Variants in DHRS4 observed in about 807,000 individuals in gnomAD.
The protein encoded by DHRS4 is dehydrogenase/reductase 4.
DHRS4 carries 20 observed loss-of-function variants against 28.4 expected under a neutral mutation model. The observed-to-expected ratio is 0.71, with a 90% confidence interval of 0.50 to 1.02. DHRS4 has a LOEUF of 1.02. Among genes scored for constraint, DHRS4 ranks in the 50% least tolerant of loss-of-function variants. The probability of loss-of-function intolerance (pLI) is 0.00; values close to 1 mark genes in which losing one functional copy is unlikely to be tolerated. For synonymous variants in DHRS4, 144 were observed against 146.4 expected (o/e 0.98, Z 0.12); for missense variants, 378 against 367.2 (o/e 1.03, Z -0.24).
At position 23,954,296 on chromosome 14, in the gene DHRS4, G is replaced by C. The variant is rs549783059; in HGVS notation, c.128+380G>C. The C allele has an allele frequency of 3.8e-5, 7 of 183,760 alleles. No individual in the cohort carries two copies. In the South Asian group the frequency reaches 7.5e-4, roughly 20 times the overall value. 11.4% of individuals were successfully genotyped at this position (183,760 alleles called of 1,614,324 possible). ...CCACGGCCTCCAGCACTTTGAAAAT[G>C]TACCAGACATTCTATTTGGGCACCG... On this transcript the variant is annotated intron_variant, in intron 1 of 7. Coordinates refer to ENST00000313250, the MANE Select transcript of DHRS4 (RefSeq NM_021004.4).
At position 23,968,394 on chromosome 14, in the gene DHRS4, A is replaced by G. The variant is rs574122392; in HGVS notation, c.723-363A>G. 6.0e-5 allele frequency among the ~76,000 whole-genome samples: 9 copies of G among 150,854 alleles called. No individual in the cohort carries two copies. The South Asian group carries it at 1.9e-3, about 32-fold the overall frequency. The stretch of plus-strand genomic sequence containing the variant: ...TTTTAAACACACCATTTACTGTCAC[A>G]CAGACTCCCTGATACTTTAGTGTGT... On this transcript the variant is annotated intron_variant, in intron 7 of 7. Coordinates refer to ENST00000313250, the MANE Select transcript of DHRS4 (RefSeq NM_021004.4).
intron 3 of DHRS4, among the ~76,000 whole-genome samples, chr14:23,962,356 T>G (rs1315445241): frequency 7.4e-6 from 1 of 135,106 alleles, no homozygotes; most frequent in South Asian, 2.7e-4. Flanking sequence ...ACAGTAGAAC[T>G]TCTTTCAAAA....
chr14:23,960,030 C>CGGGGGGGCG, intron 3 of DHRS4, 27 bp downstream of exon 3: 1 of 1,036,708 alleles, frequency 9.6e-7, no homozygotes, highest in Admixed American at 2.0e-5. Flanking sequence ...GCAGGGGGGC[C>CGGGGGGGCG]GGGGGGGGCG....
In DHRS4 at chr14:23,954,106, G is replaced by C. The variant is rs113168209; in HGVS notation, c.128+190G>C. On this transcript the variant is annotated intron_variant, in intron 1 of 7. Transcript: ENST00000313250. Reference sequence around the variant, plus strand: ...CCTAGCCCTGGACCCTCCCTTGCCAGCCCTCCTGTCCCTGCTACCTCTGGC... The same window carrying C: ...CCTAGCCCTGGACCCTCCCTTGCCACCCCTCCTGTCCCTGCTACCTCTGGC... 5.7e-5 allele frequency: 50 copies of C among 872,146 alleles called. 4 individuals carry two copies. Among genetic ancestry groups the C allele is most frequent in the African/African-American group, 5.2e-4 (30 of 57,890 alleles). 54.0% of individuals were successfully genotyped at this position (872,146 alleles called of 1,614,324 possible). A position where few individuals can be genotyped will look rare whatever the true frequency, so the allele number is the denominator to read the frequency against.
intron 2 of DHRS4, among the ~76,000 whole-genome samples, chr14:23,956,599 C>T (rs867719933): frequency 0.15 from 17,191 of 117,464 alleles, 2,651 homozygotes; most frequent in African/African-American, 0.45. Flanking sequence ...CCTCCATATC[C>T]TTTTTTTTTT....
intron 2 of DHRS4, among the ~76,000 whole-genome samples, chr14:23,959,588 G>A (rs1405670419): frequency 1.3e-5 from 2 of 152,118 alleles, no homozygotes; most frequent in African/African-American, 4.8e-5. Flanking sequence ...TAAATGGTTA[G>A]CGGCAGATCT....
At chr14:23,956,125 A>G (rs1447467018) in intron 2 of DHRS4, among the ~76,000 whole-genome samples, 2 of 152,240 alleles carry the variant, frequency 1.3e-5, no homozygotes, top group Admixed American at 6.5e-5. Context: ...CTGTCTGGCA[A>G]ATGCTCAAAT....
rs1271279541 is a variant in DHRS4 at position 23,969,189 on chromosome 14, G to A, written c.*318G>A. On this transcript the variant is annotated 3_prime_UTR_variant, in exon 8 of 8. Transcript: ENST00000313250. ...AATCTGAGGGGTGATGGGAGAGAAG[G>A]AACCTGGAGTGGAAGGAGCAGAGTT... 1.2e-5 allele frequency: 4 copies of A among 346,510 alleles called. No individual in the cohort carries two copies. Among genetic ancestry groups the A allele is most frequent in the Non-Finnish European group, 2.1e-5 (4 of 189,800 alleles). 21.5% of individuals were successfully genotyped at this position (346,510 alleles called of 1,614,324 possible). A position where few individuals can be genotyped will look rare whatever the true frequency, so the allele number is the denominator to read the frequency against.
rs202069784 is a variant in DHRS4 at position 23,966,010 on chromosome 14, C to A, written c.531+27C>A. 5.9e-4 allele frequency: 955 copies of A among 1,609,634 alleles called. 24 individuals carry two copies. In the African/African-American group the frequency reaches 8.9e-3, roughly 15 times the overall value. On this transcript the variant is annotated intron_variant, in intron 5 of 7. Transcript: ENST00000313250. ...TAAGAACCCTTTTGTCTACCTCTTC[C>A]ATCCCACCCTCCACTCCACATCTTT... is the stretch of plus-strand genomic sequence containing the variant.
chr14:23,954,354 G>C (rs2032995524), intron 1 of DHRS4, among the ~76,000 whole-genome samples: 1 of 152,274 alleles, frequency 6.6e-6, no homozygotes, highest in East Asian at 1.9e-4. Flanking sequence ...CCCTTACCTA[G>C]ATGGGACACC....
rs529539496 is a variant in DHRS4, at chr14:23,959,799, A to G, written c.307-103A>G. On this transcript the variant is annotated intron_variant, in intron 2 of 7. Coordinates refer to ENST00000313250, the MANE Select transcript of DHRS4 (RefSeq NM_021004.4). Reference sequence around the variant, plus strand: ...CTCCCAAAGTGCCATGATTACAGGCATGAGCCACAGCTCCTTGCCCAGAAG... The same window carrying G: ...CTCCCAAAGTGCCATGATTACAGGCGTGAGCCACAGCTCCTTGCCCAGAAG... 1.4e-5 allele frequency: 20 copies of G among 1,392,098 alleles called. No homozygotes were observed. The East Asian group carries it at 3.4e-4, about 24-fold the overall frequency. The allele number at this position is 1,392,098 out of a possible 1,614,324, so 86.2% of individuals were successfully genotyped here.
Position 23,961,368 on chromosome 14 carries a change from A to G in DHRS4, c.408+1365A>G, listed in dbSNP as rs1347632081. Among the ~76,000 whole-genome samples, 18 of 115,364 alleles carry G rather than the reference A, an allele frequency of 1.6e-4. No individual in the cohort carries two copies. The South Asian group carries it at 4.2e-3, about 27-fold the overall frequency. 75.7% of individuals were successfully genotyped at this position (115,364 alleles called of 152,430 possible). ...TCTCTATATTAAAAACAACAACAAC[A>G]ACAATGACAACAAAACCTTCCTTCT... On this transcript the variant is annotated intron_variant, in intron 3 of 7. Transcript: ENST00000313250.
intron 3 of DHRS4, among the ~76,000 whole-genome samples, chr14:23,960,793 A>G (rs973788225): frequency 1.3e-5 from 2 of 152,128 alleles, no homozygotes; most frequent in Admixed American, 1.3e-4. Flanking sequence ...ATAAAGGAAT[A>G]TCTGAGCTGG....
intron 1 of DHRS4, among the ~76,000 whole-genome samples, chr14:23,954,656 G>A (rs934317724): frequency 6.6e-6 from 1 of 152,320 alleles, no homozygotes; most frequent in East Asian, 1.9e-4. Flanking sequence ...TGATGTAGAC[G>A]AGTAAGAAAG....
intron 7 of DHRS4, among the ~76,000 whole-genome samples, 155 bp from the exon 8 acceptor site, chr14:23,968,601 GT>G (rs1435741495): frequency 6.6e-6 from 1 of 151,524 alleles, no homozygotes; most frequent in Admixed American, 6.6e-5. Context: ...GCATATCCTC[GT>G]GGTAACCCTA....
chr14:23,966,499 T>C (rs917904619), intron 6 of DHRS4, 82 bp downstream of exon 6: 2 of 1,582,186 alleles, frequency 1.3e-6, no homozygotes, highest in African/African-American at 2.7e-5. Flanking sequence ...ACTACCTGAG[T>C]CCTGAGCTCT....
chr14:23,956,719 T>TC (rs1276106834), intron 2 of DHRS4, among the ~76,000 whole-genome samples: 3 of 150,090 alleles, frequency 2.0e-5, no homozygotes, highest in Non-Finnish European at 4.4e-5. Context: ...TTCTCATGCC[T>TC]CAGCCTCCCG....
At chr14:23,968,515 G>A (rs1300734668) in intron 7 of DHRS4, among the ~76,000 whole-genome samples, 13 of 150,664 alleles carry the variant, frequency 8.6e-5, no homozygotes, top group East Asian at 1.9e-4. Context: ...TCTAAAAACC[G>A]GTGTGTTTCT....
At chr14:23,964,220 TAAAAA>T (rs71119059) in intron 3 of DHRS4, among the ~76,000 whole-genome samples, 151 of 34,346 alleles carry the variant, frequency 4.4e-3, no homozygotes, top group Non-Finnish European at 5.3e-3. Flanking sequence ...CTGCAATTTG[TAAAAA>T]AAAAAAAAAA....
Sources: allele counts gnomAD v4.1 joint callset (sites outside exome capture counted in the v4.1 genomes callset), GRCh38; gene constraint gnomAD v4.1.1; transcripts MANE v1.5; gene names NCBI Gene and HGNC (gene_info 2026-07-23, HGNC 2026-07-21).